SYT6: variants seen among roughly 807,000 people sequenced by gnomAD.
SYT6 encodes the protein synaptotagmin 6.
A neutral mutation model predicts 38.4 loss-of-function variants in SYT6; 24 were observed. That is an observed-to-expected ratio of 0.62 (90% CI 0.45 to 0.88). SYT6 has a LOEUF of 0.88. SYT6 is among the 40% of genes least tolerant of loss of function. SYT6 has a pLI of 0.00. For synonymous variants in SYT6, 265 were observed against 241.9 expected (o/e 1.10, Z -0.89); for missense variants, 611 against 621.0 (o/e 0.98, Z 0.17).
At chr1:114,133,898 C>A (rs1302368456) in intron 3 of SYT6, among the ~76,000 whole-genome samples, 2 of 152,128 alleles carry the variant, frequency 1.3e-5, no homozygotes, top group Non-Finnish European at 2.9e-5. Context: ...CCTCCACTAG[C>A]CTTGAGCTCA....
chr1:114,137,579 G>A lies in SYT6; in HGVS notation c.987C>T (p.Gly329=), dbSNP rs369808730. ...CAAAGAGGTTGTCCAGGATGACCTC[G>A]CCAATCATGTCATGGCGGGAGAAGC... ...FDRFSRHDMI[G]EVILDNLFEA... Residue 329 remains glycine, a synonymous_variant, in exon 3 of 8, where the codon GGC becomes GGT. Transcript: ENST00000610222. 21 of 1,614,048 alleles carry A rather than the reference G, an allele frequency of 1.3e-5. No homozygotes were observed. The highest frequency in any genetic ancestry group is 1.6e-4 in the Middle Eastern group (1 of 6,084).
intron 1 of SYT6, among the ~76,000 whole-genome samples, chr1:114,145,504 T>TGTTTGTTTTTTTTTTTG (rs1491020620): frequency 3.0e-5 from 1 of 33,294 alleles, no homozygotes; most frequent in African/African-American, 1.5e-4. Context: ...GGTATTAAGT[T>TGTTTGTTTTTTTTTTTG]TTTTTTTTTT....
chr1:114,118,214 A>G (rs945322179), intron 3 of SYT6, among the ~76,000 whole-genome samples: 13 of 152,236 alleles, frequency 8.5e-5, no homozygotes, highest in East Asian at 1.9e-4. Context: ...CTGCTCACCC[A>G]GGAGCACGAT....
intron 3 of SYT6, among the ~76,000 whole-genome samples, chr1:114,108,141 C>T (rs1332352609): frequency 6.6e-6 from 1 of 152,176 alleles, no homozygotes; most frequent in Non-Finnish European, 1.5e-5. Context: ...AGGATGTTGG[C>T]TTCTGGAGAA....
At chr1:114,140,058 A>G in intron 1 of SYT6, 95 bp from the exon 2 acceptor site, 1 of 693,498 alleles carries the variant, frequency 1.4e-6, no homozygotes, top group South Asian at 2.1e-5. Context: ...CGGAAGGGAC[A>G]AAGACGGAAG....
intron 3 of SYT6, among the ~76,000 whole-genome samples, chr1:114,128,492 T>C (rs1677882412): frequency 6.6e-6 from 1 of 152,092 alleles, no homozygotes; most frequent in South Asian, 2.1e-4. Context: ...CCTAGACCTT[T>C]AAAAACCCAT....
chr1:114,105,765 G>A (rs967635422), intron 3 of SYT6, among the ~76,000 whole-genome samples: 2 of 152,128 alleles, frequency 1.3e-5, no homozygotes, highest in African/African-American at 4.8e-5. Flanking sequence ...CGTGACTCTC[G>A]AGAGAGTGGT....
chr1:114,129,549 G>T (rs2774305), intron 3 of SYT6, among the ~76,000 whole-genome samples: 3,457 of 132,022 alleles, frequency 0.026, 139 homozygotes, highest in African/African-American at 0.088. Flanking sequence ...TTTTTTTTCT[G>T]TCTTTTTTTC....
chr1:114,137,466 A>G (rs1039767820), intron 3 of SYT6, 29 bp downstream of exon 3: 1 of 1,588,666 alleles, frequency 6.3e-7, no homozygotes, highest in Non-Finnish European at 8.6e-7. Flanking sequence ...ACAAATCCTC[A>G]AGAAGCCAAG....
chr1:114,129,564 T>TTTTCTTTCTTTCTTTCTTTCTTTCTTTC (rs58281086), intron 3 of SYT6, among the ~76,000 whole-genome samples: 5 of 112,942 alleles, frequency 4.4e-5, no homozygotes, highest in African/African-American at 3.5e-5. Flanking sequence ...TTTTTCTTTC[T>TTTTCTTTCTTTCTTTCTTTCTTTCTTTC]TTTCTTTCTT....
chr1:114,091,982 G>A lies in SYT6; in HGVS notation c.*152C>T. The A allele has an allele frequency of 6.5e-7, 1 of 1,534,304 alleles. No homozygotes were observed. The highest frequency in any genetic ancestry group is 2.4e-5 in the East Asian group (1 of 41,056). ...ACAAGTGCAAAGAGAACATTGCTGA[G>A]TCCCATTTGTGTTATTTGGCTGCAC... is the stretch of plus-strand genomic sequence containing the variant. On this transcript the variant is annotated 3_prime_UTR_variant, in exon 8 of 8. Transcript: ENST00000610222.
intron 3 of SYT6, among the ~76,000 whole-genome samples, chr1:114,106,842 C>T (rs1009339087): frequency 3.9e-5 from 6 of 152,098 alleles, no homozygotes; most frequent in African/African-American, 1.2e-4. Context: ...TGCAGCTGTG[C>T]CCCCCAGCAT....
chr1:114,121,330 C>T (rs895435136), intron 3 of SYT6, among the ~76,000 whole-genome samples: 3 of 152,332 alleles, frequency 2.0e-5, no homozygotes, highest in East Asian at 3.9e-4. Flanking sequence ...ACTCTCCTCC[C>T]TCCTGTTCTT....
chr1:114,140,773 G>A (rs1476823662), intron 1 of SYT6, among the ~76,000 whole-genome samples: 1 of 152,208 alleles, frequency 6.6e-6, no homozygotes, highest in East Asian at 1.9e-4. Flanking sequence ...ACCCTGCCTT[G>A]AACAAGTCTT....
chr1:114,150,856 T>C (rs13375243), intron 1 of SYT6, among the ~76,000 whole-genome samples: 4,111 of 152,268 alleles, frequency 0.027, 90 homozygotes, highest in South Asian at 0.079. Context: ...TCTGATTAAC[T>C]GAGACTTCCT....
At chr1:114,116,776 C>A (rs867912080) in intron 3 of SYT6, among the ~76,000 whole-genome samples, 1 of 152,220 alleles carries the variant, frequency 6.6e-6, no homozygotes, top group Non-Finnish European at 1.5e-5. Flanking sequence ...GTTCCACCCC[C>A]GCCCGGAACT....
intron 3 of SYT6, among the ~76,000 whole-genome samples, chr1:114,117,852 G>T (rs1447554330): frequency 6.6e-6 from 1 of 152,200 alleles, no homozygotes; most frequent in East Asian, 1.9e-4. Context: ...TGAGAGCATT[G>T]TACCAGATGA....
At chr1:114,142,531 T>C (rs1185070681) in intron 1 of SYT6, among the ~76,000 whole-genome samples, 2 of 152,202 alleles carry the variant, frequency 1.3e-5, no homozygotes, top group African/African-American at 4.8e-5. Flanking sequence ...CTTAGAATAT[T>C]ACATAACCTT....
At chr1:114,107,344 G>A (rs1425536673) in intron 3 of SYT6, among the ~76,000 whole-genome samples, 1 of 152,230 alleles carries the variant, frequency 6.6e-6, no homozygotes, top group Admixed American at 6.5e-5. Context: ...TCATAGGACC[G>A]TGGCAGCTGG....
Sources: allele counts gnomAD v4.1 joint callset (sites outside exome capture counted in the v4.1 genomes callset), GRCh38; gene constraint gnomAD v4.1.1; transcripts MANE v1.5; gene names NCBI Gene and HGNC (gene_info 2026-07-23, HGNC 2026-07-21).